The following SEMA3C variants were observed in gnomAD, a reference collection of about 807,000 sequenced individuals.
The protein encoded by SEMA3C is semaphorin 3C, also known as semaphorin-3C.
In SEMA3C, 47 loss-of-function variants were observed where a neutral mutation model predicts 89.4. The observed-to-expected ratio is 0.53, with a 90% CI of 0.42 to 0.67. The LOEUF is 0.67. SEMA3C is among the 30% of genes least tolerant of loss of function. The pLI is 0.00. For missense variants in SEMA3C, 839 were observed against 929.1 expected (o/e 0.90, Z 1.26); for synonymous variants, 310 against 320.2 (o/e 0.97, Z 0.34).
rs1787775425 is a variant in SEMA3C, at chr7:80,745,289, T to C, written c.1861A>G (p.Ile621Val). ...AGGAGTCCCTGTGAAGTGGCTATTA[T>C]TCGTTCATTCAGCTTAACCTAAAAG... ...RRKEVKLNER[I>V]IATSQGLLIR... is the part of the protein sequence containing the mutation. Residue 621 changes from isoleucine (I) to valine (V), a missense_variant, in exon 18 of 18, where the codon ATA (isoleucine) becomes GTA (valine). Coordinates refer to ENST00000265361, the MANE Select transcript of SEMA3C (RefSeq NM_006379.5). 4 of 1,613,590 alleles carry C rather than the reference T, an allele frequency of 2.5e-6. No homozygotes were observed. Among genetic ancestry groups the C allele is most frequent in the Non-Finnish European group, 2.5e-6 (3 of 1,179,924 alleles).
intron 2 of SEMA3C, among the ~76,000 whole-genome samples, chr7:80,893,206 T>C (rs1791656441): frequency 6.6e-6 from 1 of 152,188 alleles, no homozygotes; most frequent in Admixed American, 6.5e-5. Context: ...ACAACTGCCC[T>C]GTCAGGGCAA....
chr7:80,917,059 C>G (rs2116261620), intron 1 of SEMA3C, among the ~76,000 whole-genome samples: 1 of 152,224 alleles, frequency 6.6e-6, no homozygotes, highest in African/African-American at 2.4e-5. Flanking sequence ...TTGATGCTAC[C>G]ATCAAAACAG....
chr7:80,762,091 A>AT (rs1316151078), intron 13 of SEMA3C, among the ~76,000 whole-genome samples: 1 of 144,366 alleles, frequency 6.9e-6, no homozygotes, highest in Admixed American at 7.0e-5. Context: ...CTCCGTCTCA[A>AT]TAAAAAAAAA....
At chr7:80,764,335 T>C (rs1452239984) in intron 13 of SEMA3C, among the ~76,000 whole-genome samples, 1 of 152,164 alleles carries the variant, frequency 6.6e-6, no homozygotes, top group Non-Finnish European at 1.5e-5. Flanking sequence ...GCAGGACTGA[T>C]TCCATGCCAA....
chr7:80,916,432 CAGA>C (rs1295582671), intron 2 of SEMA3C, among the ~76,000 whole-genome samples: 1 of 152,120 alleles, frequency 6.6e-6, no homozygotes, highest in Admixed American at 6.5e-5. Flanking sequence ...CAGGCAAGCA[CAGA>C]AGAATTATTT....
upstream of SEMA3C, among the ~76,000 whole-genome samples, chr7:80,920,836 CTGAG>C (rs1393584350): frequency 2.6e-5 from 4 of 152,178 alleles, no homozygotes; most frequent in East Asian, 7.7e-4. Context: ...ACTTCTGAAA[CTGAG>C]TAAGATCCAG....
At chr7:80,825,067 A>G (rs1381049971) in intron 4 of SEMA3C, among the ~76,000 whole-genome samples, 1 of 152,192 alleles carries the variant, frequency 6.6e-6, no homozygotes, top group Non-Finnish European at 1.5e-5. Flanking sequence ...GATAGTATTT[A>G]TTCCAACTTT....
intron 2 of SEMA3C, among the ~76,000 whole-genome samples, chr7:80,841,950 G>T (rs1251046552): frequency 6.6e-6 from 1 of 152,152 alleles, no homozygotes; most frequent in Non-Finnish European, 1.5e-5. Context: ...AACTGCAGAG[G>T]ACAGTGAAGA....
chr7:80,751,772 C>CAA (rs1420446482), intron 15 of SEMA3C, among the ~76,000 whole-genome samples: 1 of 152,052 alleles, frequency 6.6e-6, no homozygotes, highest in Non-Finnish European at 1.5e-5. Flanking sequence ...TTACAAAAGT[C>CAA]AATGTTTTCT....
At chr7:80,873,287 C>T (rs1791115535) in intron 2 of SEMA3C, among the ~76,000 whole-genome samples, 1 of 152,158 alleles carries the variant, frequency 6.6e-6, no homozygotes, top group African/African-American at 2.4e-5. Context: ...CCAGACTGTG[C>T]AGGGCAAACG....
At chr7:80,864,122 C>T (rs1790869373) in intron 2 of SEMA3C, among the ~76,000 whole-genome samples, 1 of 151,944 alleles carries the variant, frequency 6.6e-6, no homozygotes, top group Admixed American at 6.6e-5. Flanking sequence ...GACTACTATT[C>T]TAAGTGAAGT....
chr7:80,911,372 A>G (rs1314474807), intron 2 of SEMA3C, among the ~76,000 whole-genome samples: 3 of 152,216 alleles, frequency 2.0e-5, no homozygotes, highest in Non-Finnish European at 4.4e-5. Flanking sequence ...AAAGTAGTAT[A>G]CACCTAGGAA....
At chr7:80,921,631 G>C (rs1184025815), upstream of SEMA3C, among the ~76,000 whole-genome samples, 1 of 152,188 alleles carries the variant, frequency 6.6e-6, no homozygotes, top group African/African-American at 2.4e-5. Context: ...GGATCTACAG[G>C]AGTAGTGGCA....
At chr7:80,754,962 T>TG (rs1788029413) in intron 15 of SEMA3C, among the ~76,000 whole-genome samples, 1 of 130,688 alleles carries the variant, frequency 7.7e-6, no homozygotes, top group South Asian at 2.7e-4. Context: ...TTTTTGTTTT[T>TG]TTTTTTTTTG....
At position 80,827,437 on chromosome 7, in the gene SEMA3C, G is replaced by A; in HGVS notation, c.315C>T (p.Gly105=). 2.1e-6 allele frequency: 3 copies of A among 1,416,476 alleles called. No homozygotes were observed. The highest frequency in any genetic ancestry group is 2.8e-6 in the Non-Finnish European group (3 of 1,069,748). The allele number at this position is 1,416,476 out of a possible 1,614,324, so 87.7% of individuals were successfully genotyped here. A position where few individuals can be genotyped will look rare whatever the true frequency, so the allele number is the denominator to read the frequency against. The part of the protein sequence containing the change: ...TIKVEECKMA[G]KDPTHGCGNF... ...TTTTAACACTTACTGTGGGATCTTT[G>A]CCAGCCATTTTGCATTCTTCAACTT... The change falls in exon 4 of 18, where the codon GGC becomes GGT. Residue 105 remains glycine, a synonymous_variant. Transcript: ENST00000265361.
At chr7:80,817,579 AAGTAGCAC>A (rs1318543223) in intron 5 of SEMA3C, among the ~76,000 whole-genome samples, 1 of 150,478 alleles carries the variant, frequency 6.6e-6, no homozygotes, top group Non-Finnish European at 1.5e-5. Context: ...AGACAGGCTT[AAGTAGCAC>A]AGGTGAAGTT....
At chr7:80,780,545 C>A (rs905816538) in intron 12 of SEMA3C, among the ~76,000 whole-genome samples, 5 of 152,252 alleles carry the variant, frequency 3.3e-5, no homozygotes, top group Non-Finnish European at 7.3e-5. Flanking sequence ...TATTAAGTTT[C>A]TATTGCTGTC....
chr7:80,760,197 G>C (rs1028624563), intron 14 of SEMA3C, among the ~76,000 whole-genome samples: 2 of 152,190 alleles, frequency 1.3e-5, no homozygotes, highest in African/African-American at 4.8e-5. Context: ...TCCTTGCCTT[G>C]AATCTCACTG....
At chr7:80,750,528 C>T (rs1192450422) in intron 16 of SEMA3C, among the ~76,000 whole-genome samples, 1 of 136,080 alleles carries the variant, frequency 7.3e-6, no homozygotes, top group Admixed American at 7.7e-5. Context: ...TATATATATG[C>T]ACACATGATA....
Sources: allele counts gnomAD v4.1 joint callset (sites outside exome capture counted in the v4.1 genomes callset), GRCh38; gene constraint gnomAD v4.1.1; transcripts MANE v1.5; gene names NCBI Gene and HGNC (gene_info 2026-07-23, HGNC 2026-07-21).